The following SPOPL variants were observed in gnomAD, a reference collection of about 807,000 sequenced individuals.
The protein encoded by SPOPL is speckle type BTB/POZ protein like, also known as speckle-type POZ protein-like.
A neutral mutation model predicts 53.8 loss-of-function variants in SPOPL; 23 were observed. That is an observed-to-expected ratio of 0.43 (90% confidence interval 0.31 to 0.61). The LOEUF (loss-of-function observed/expected upper bound fraction) is 0.61, where lower values mean the gene tolerates loss of function less well. Among genes scored for constraint, SPOPL ranks in the 20% least tolerant of loss-of-function variants. The pLI is 0.12. For missense variants in SPOPL, 442 were observed against 466.9 expected (o/e 0.95, Z 0.49); for synonymous variants, 164 against 149.7 (o/e 1.10, Z -0.70).
rs1207475470 is a variant in SPOPL at position 138,569,043 on chromosome 2, A to C, written c.1142A>C (p.Gln381Pro). ...GCACTAGCATCTGCACAGTGTCCAC[A>C]GTTTGGCATTCCACGCAAACGGCTA... ...FRALASAQCP[Q>P]FGIPRKRLKQ... is the part of the protein sequence containing the mutation. The change falls in exon 11 of 11, where the codon CAG becomes CCG. Residue 381 changes from glutamine to proline, a missense_variant. Coordinates refer to ENST00000280098, the MANE Select transcript of SPOPL (RefSeq NM_001001664.3). 6.2e-7 allele frequency: 1 copy of C among 1,613,810 alleles called. No individual in the cohort carries two copies. The highest frequency in any genetic ancestry group is 8.5e-7 in the Non-Finnish European group (1 of 1,179,920).
intron 1 of SPOPL, among the ~76,000 whole-genome samples, chr2:138,532,465 C>G (rs1684831816): frequency 1.6e-5 from 2 of 126,868 alleles, no homozygotes; most frequent in African/African-American, 6.0e-5. Flanking sequence ...CTCGCTCTGT[C>G]GCTCAGGCTA....
chr2:138,507,949 CTTA>C (rs1358623746), intron 1 of SPOPL, among the ~76,000 whole-genome samples: 1 of 152,098 alleles, frequency 6.6e-6, no homozygotes, highest in African/African-American at 2.4e-5. Flanking sequence ...ATTCCAGTGA[CTTA>C]TTATGGAAGA....
At chr2:138,551,155 A>C in intron 4 of SPOPL, 101 bp downstream of exon 4, 3 of 1,332,416 alleles carry the variant, frequency 2.3e-6, no homozygotes, top group Non-Finnish European at 3.1e-6. Flanking sequence ...TTTTCTGCTA[A>C]AATCTGCTTA....
At chr2:138,519,683 A>G (rs746780332) in intron 1 of SPOPL, among the ~76,000 whole-genome samples, 33 of 152,192 alleles carry the variant, frequency 2.2e-4, no homozygotes, top group Non-Finnish European at 3.7e-4. Flanking sequence ...AGTGCCAGCT[A>G]CATGGGAGGC....
At chr2:138,520,215 A>G (rs922901072) in intron 1 of SPOPL, among the ~76,000 whole-genome samples, 2 of 152,228 alleles carry the variant, frequency 1.3e-5, no homozygotes, top group Non-Finnish European at 2.9e-5. Context: ...AATTATGCAT[A>G]GGTAATTTCT....
intron 1 of SPOPL, among the ~76,000 whole-genome samples, chr2:138,540,289 A>T (rs1685041208): frequency 1.3e-5 from 2 of 152,128 alleles, no homozygotes; most frequent in Admixed American, 1.3e-4. Context: ...GAAGAAAGTC[A>T]TTGGTAGCTT....
At chr2:138,554,343 AT>A in intron 5 of SPOPL, 1 of 567,524 alleles carries the variant, frequency 1.8e-6, no homozygotes, top group South Asian at 3.5e-5. Context: ...TGGGCACCGT[AT>A]TTAGCATAGG....
chr2:138,548,746 C>A (rs936196706), intron 1 of SPOPL, among the ~76,000 whole-genome samples: 8 of 151,928 alleles, frequency 5.3e-5, no homozygotes, highest in South Asian at 2.1e-4. Context: ...TGAAATTGGT[C>A]ATAATGGTTT....
At chr2:138,530,480 T>C (rs1373732884) in intron 1 of SPOPL, among the ~76,000 whole-genome samples, 4 of 152,222 alleles carry the variant, frequency 2.6e-5, no homozygotes, top group African/African-American at 9.6e-5. Context: ...AATTTTCTAA[T>C]TTATGAATAC....
chr2:138,560,961 C>A (rs764970923), intron 8 of SPOPL, 34 bp downstream of exon 8: 1 of 1,585,638 alleles, frequency 6.3e-7, no homozygotes, highest in African/African-American at 1.4e-5. Context: ...CCAAAATATA[C>A]CCTCAAGCTT....
chr2:138,508,367 C>T (rs1407356950), intron 1 of SPOPL, among the ~76,000 whole-genome samples: 1 of 152,098 alleles, frequency 6.6e-6, no homozygotes, highest in Non-Finnish European at 1.5e-5. Flanking sequence ...GAGTCTTGCC[C>T]TTTTGCCCAG....
At chr2:138,530,666 A>T (rs968234134) in intron 1 of SPOPL, among the ~76,000 whole-genome samples, 4 of 152,214 alleles carry the variant, frequency 2.6e-5, no homozygotes, top group African/African-American at 9.6e-5. Flanking sequence ...TAAAAATATA[A>T]TGGATTTTTA....
At chr2:138,555,826 A>G (rs977175297) in intron 5 of SPOPL, among the ~76,000 whole-genome samples, 1 of 152,092 alleles carries the variant, frequency 6.6e-6, no homozygotes, top group African/African-American at 2.4e-5. Flanking sequence ...GGGCTGTCAA[A>G]TGACTTTGAG....
rs370377566 is a variant in SPOPL at position 138,562,494 on chromosome 2, A to G, written c.837+1567A>G. Among the ~76,000 whole-genome samples the G allele has an allele frequency of 1.2e-4, 19 of 152,258 alleles. No homozygotes were observed. The South Asian group carries it at 3.7e-3, about 30-fold the overall frequency. ...TGTGCACCTCAAACCATGTATACAA[A>G]GTAAGGCAGGCCTCGCATGGTGGCT... is the stretch of plus-strand genomic sequence containing the variant. On this transcript the variant is annotated intron_variant, in intron 8 of 10. Transcript: ENST00000280098.
intron 5 of SPOPL, among the ~76,000 whole-genome samples, chr2:138,556,984 A>G (rs996841293): frequency 6.6e-6 from 1 of 152,054 alleles, no homozygotes; most frequent in Non-Finnish European, 1.5e-5. Flanking sequence ...GTGAAAACCC[A>G]TCTCTACTAA....
intron 1 of SPOPL, among the ~76,000 whole-genome samples, chr2:138,529,269 G>A (rs1191804585): frequency 1.3e-5 from 2 of 152,070 alleles, no homozygotes; most frequent in Non-Finnish European, 2.9e-5. Flanking sequence ...AGCACCTGCT[G>A]GAATAGTAGA....
intron 1 of SPOPL, among the ~76,000 whole-genome samples, chr2:138,538,025 T>C (rs2104879464): frequency 6.6e-6 from 1 of 152,254 alleles, no homozygotes; most frequent in Middle Eastern, 3.4e-3. Context: ...AATTTTAAAA[T>C]TTTTTCTTCT....
intron 1 of SPOPL, among the ~76,000 whole-genome samples, chr2:138,514,478 G>A (rs1684396995): frequency 6.6e-6 from 1 of 152,120 alleles, no homozygotes; most frequent in Non-Finnish European, 1.5e-5. Flanking sequence ...GTGATTCTGG[G>A]GTCCCAAGGG....
chr2:138,561,348 A>G (rs796455673), intron 8 of SPOPL, among the ~76,000 whole-genome samples: 5 of 152,294 alleles, frequency 3.3e-5, no homozygotes, highest in African/African-American at 1.2e-4. Flanking sequence ...GACAGCATAG[A>G]GCAAAAACAA....
Sources: allele counts gnomAD v4.1 joint callset (sites outside exome capture counted in the v4.1 genomes callset), GRCh38; gene constraint gnomAD v4.1.1; transcripts MANE v1.5; gene names NCBI Gene and HGNC (gene_info 2026-07-23, HGNC 2026-07-21).